The following OTUD3 variants were observed in gnomAD, a reference collection of about 807,000 sequenced individuals.
OTUD3 encodes OTU deubiquitinase 3.
A neutral mutation model predicts 46.2 loss-of-function variants in OTUD3; 24 were observed. That is an observed-to-expected ratio of 0.52 (90% confidence interval 0.38 to 0.73). The LOEUF (loss-of-function observed/expected upper bound fraction) is 0.73, where lower values mean the gene tolerates loss of function less well. Among genes scored for constraint, OTUD3 ranks in the 30% least tolerant of loss-of-function variants. OTUD3 has a pLI of 0.00. For synonymous variants in OTUD3, 189 were observed against 195.4 expected (o/e 0.97, Z 0.27); for missense variants, 455 against 523.3 (o/e 0.87, Z 1.27).
intron 1 of OTUD3, among the ~76,000 whole-genome samples, chr1:19,889,175 C>T (rs1230449281): frequency 6.6e-6 from 1 of 152,070 alleles, no homozygotes; most frequent in Non-Finnish European, 1.5e-5. Flanking sequence ...AGCAAGACAC[C>T]TCAGTCTAGC....
chr1:19,889,291 A>C (rs1348028700), intron 1 of OTUD3, among the ~76,000 whole-genome samples: 3 of 108,706 alleles, frequency 2.8e-5, no homozygotes, highest in South Asian at 2.6e-4. Flanking sequence ...CCTCCCCTGC[A>C]AAAAAAAAAA....
chr1:19,899,368 C>T (rs1232951408), intron 4 of OTUD3, among the ~76,000 whole-genome samples: 1 of 152,222 alleles, frequency 6.6e-6, no homozygotes, highest in African/African-American at 2.4e-5. Context: ...ACATACTACA[C>T]ATCCCACACA....
At chr1:19,890,315 G>T (rs2045429290) in intron 1 of OTUD3, 70 bp from the exon 2 acceptor site, 1 of 1,414,206 alleles carries the variant, frequency 7.1e-7, no homozygotes, top group Non-Finnish European at 9.9e-7. Flanking sequence ...GATCTGGCAT[G>T]AAGCATCATT....
chr1:19,907,412 G>A (rs1437223928), intron 7 of OTUD3, among the ~76,000 whole-genome samples, 158 bp from the exon 8 acceptor site: 1 of 152,184 alleles, frequency 6.6e-6, no homozygotes, highest in Non-Finnish European at 1.5e-5. Flanking sequence ...ATGCAAATTT[G>A]AGCAGCAGTG....
intron 4 of OTUD3, among the ~76,000 whole-genome samples, chr1:19,901,479 A>G (rs931297241): frequency 7.2e-5 from 11 of 152,236 alleles, no homozygotes; most frequent in African/African-American, 1.4e-4. Context: ...TGTTAATTAC[A>G]TAGGTATCCC....
chr1:19,897,447 A>C, intron 3 of OTUD3, 93 bp from the exon 4 acceptor site: 1 of 1,345,988 alleles, frequency 7.4e-7, no homozygotes, highest in Non-Finnish European at 1.0e-6. Flanking sequence ...AGACCTGCTG[A>C]CTGGGCTTCC....
intron 6 of OTUD3, among the ~76,000 whole-genome samples, chr1:19,906,076 G>A (rs1041212417): frequency 6.6e-6 from 1 of 152,208 alleles, no homozygotes; most frequent in African/African-American, 2.4e-5. Context: ...TATAGCTGGT[G>A]GCTAATACAT....
Position 19,882,468 on chromosome 1 carries a change from G to T in OTUD3, c.-46G>T, listed in dbSNP as rs1322020326. On this transcript the variant is annotated 5_prime_UTR_variant, in exon 1 of 8. Transcript: ENST00000375120. ...CAACGCTTGAGGCGGACGCTGGGGGGTCCTGCGCCTTTCCCTCCTGCCGCT... is the reference window on the plus strand; with the variant it reads ...CAACGCTTGAGGCGGACGCTGGGGGTTCCTGCGCCTTTCCCTCCTGCCGCT... 9.0e-6 allele frequency: 12 copies of T among 1,339,094 alleles called. No homozygotes were observed. The highest frequency in any genetic ancestry group is 1.5e-5 in the African/African-American group (1 of 65,264). 83.0% of individuals were successfully genotyped at this position (1,339,094 alleles called of 1,614,324 possible).
At chr1:19,904,734 T>C (rs1223268641) in intron 5 of OTUD3, among the ~76,000 whole-genome samples, 157 bp from the exon 6 acceptor site, 2 of 152,244 alleles carry the variant, frequency 1.3e-5, no homozygotes, top group Non-Finnish European at 2.9e-5. Flanking sequence ...ACCAACCTTA[T>C]TGGAAATCGA....
chr1:19,904,485 A>AT (rs2045632079), intron 5 of OTUD3, 87 bp downstream of exon 5: 1 of 1,293,980 alleles, frequency 7.7e-7, no homozygotes, highest in African/African-American at 1.5e-5. Flanking sequence ...CCTCTCTAGC[A>AT]TATCAGCACC....
chr1:19,890,629 A>T (rs1014406390), intron 2 of OTUD3, 96 bp downstream of exon 2: 20 of 1,101,424 alleles, frequency 1.8e-5, no homozygotes, highest in South Asian at 4.1e-5. Context: ...GGGTTTGGTT[A>T]TATAAATCAC....
chr1:19,885,644 T>C (rs2100235858), intron 1 of OTUD3, among the ~76,000 whole-genome samples: 1 of 152,236 alleles, frequency 6.6e-6, no homozygotes, highest in South Asian at 2.1e-4. Flanking sequence ...TTAGTAGAGA[T>C]GGGGTTTCAC....
rs563394215 is a variant in OTUD3 at position 19,904,185 on chromosome 1, A to C, written c.607-82A>C. The C allele has an allele frequency of 5.3e-6, 6 of 1,129,538 alleles. No homozygotes were observed. In the South Asian group the frequency reaches 1.0e-4, roughly 19 times the overall value. The allele number at this position is 1,129,538 out of a possible 1,614,324, so 70.0% of individuals were successfully genotyped here. ...TTCCCCTATATATATGAATTTTTCC[A>C]GATTAGAGTGTCTTGTGTTAAAGAT... On this transcript the variant is annotated intron_variant, in intron 4 of 7. Transcript: ENST00000375120.
rs780295612 is a variant in OTUD3 at position 19,906,445 on chromosome 1, T to C, written c.849T>C (p.Asn283=). 2 of 1,613,836 alleles carry C rather than the reference T, an allele frequency of 1.2e-6. No individual in the cohort carries two copies. The highest frequency in any genetic ancestry group is 1.7e-6 in the Non-Finnish European group (2 of 1,179,838). Residue 283 remains asparagine (N), a synonymous_variant, in exon 7 of 8, where the codon AAT becomes AAC. Coordinates refer to ENST00000375120, the MANE Select transcript of OTUD3 (RefSeq NM_015207.2). The part of the protein sequence containing the change: ...NQGKRNNAEE[N]LEPSGRVLKQ... ...TTTCTTTGGAAGATGCAGAAGAGAA[T>C]CTTGAGCCCAGTGGTCGAGTGCTGA...
chr1:19,912,259 T>G lies in OTUD3; in HGVS notation c.*4513T>G, dbSNP rs976393921. On this transcript the variant is annotated 3_prime_UTR_variant, in exon 8 of 8. Transcript: ENST00000375120. ...TCAGCCTGCGGCAGGCTGCCAGCCA[T>G]CCATGACAATCATGTGAGCTCAGCC... 4.6e-5 allele frequency: 7 copies of G among 152,442 alleles called. No individual in the cohort carries two copies. Among genetic ancestry groups the G allele is most frequent in the African/African-American group, 1.4e-4 (6 of 41,576 alleles). 9.4% of individuals were successfully genotyped at this position (152,442 alleles called of 1,614,324 possible).
chr1:19,886,085 T>C (rs1557672861), intron 1 of OTUD3, among the ~76,000 whole-genome samples: 4 of 152,210 alleles, frequency 2.6e-5, no homozygotes, highest in African/African-American at 7.2e-5. Flanking sequence ...TTTCACGTGT[T>C]GTCTGGAAGG....
intron 2 of OTUD3, among the ~76,000 whole-genome samples, chr1:19,893,545 TTTTGC>T (rs971412432): frequency 3.9e-5 from 6 of 152,206 alleles, no homozygotes; most frequent in African/African-American, 1.4e-4. Context: ...TTTTGTTTTG[TTTTGC>T]TTATTGATTT....
chr1:19,904,264 T>C lies in OTUD3; in HGVS notation c.607-3T>C, dbSNP rs1156463428. On this transcript the variant is annotated splice_region_variant and splice_polypyrimidine_tract_variant and intron_variant, in intron 4 of 7. Coordinates refer to ENST00000375120, the MANE Select transcript of OTUD3 (RefSeq NM_015207.2). Reference sequence around the variant, plus strand: ...TTCCCTGATTATTACTTGTTTCCTTTAGTTTCAGATGCTTCATCAAGATGA... The same window carrying C: ...TTCCCTGATTATTACTTGTTTCCTTCAGTTTCAGATGCTTCATCAAGATGA... 2.3e-5 allele frequency: 37 copies of C among 1,591,602 alleles called. No homozygotes were observed. The highest frequency in any genetic ancestry group is 3.0e-5 in the Non-Finnish European group (35 of 1,171,082).
intron 3 of OTUD3, among the ~76,000 whole-genome samples, chr1:19,897,306 A>T (rs74374805): frequency 0.017 from 2,520 of 152,244 alleles, 74 homozygotes; most frequent in African/African-American, 0.056. Context: ...CTGGTTTTTG[A>T]ATTTCTTACA....
Sources: allele counts gnomAD v4.1 joint callset (sites outside exome capture counted in the v4.1 genomes callset), GRCh38; gene constraint gnomAD v4.1.1; transcripts MANE v1.5; gene names NCBI Gene and HGNC (gene_info 2026-07-23, HGNC 2026-07-21).